The following MRC1 variants were observed in gnomAD, a reference collection of about 807,000 sequenced individuals.
MRC1 encodes the protein mannose receptor C-type 1.
A neutral mutation model predicts 102.9 loss-of-function variants in MRC1; 62 were observed. The observed-to-expected ratio is 0.60, with a 90% confidence interval of 0.49 to 0.74. MRC1 has a LOEUF of 0.74. Among genes scored for constraint, MRC1 ranks in the 30% least tolerant of loss-of-function variants. The pLI is 0.00. For missense variants in MRC1, 1,237 were observed against 862.8 expected, an observed-to-expected ratio of 1.43 and a Z score of -5.43; for synonymous variants, 457 against 298.4, an observed-to-expected ratio of 1.53 and a Z score of -5.48.
chr10:17,882,995 TGTGGTTGTA>T (rs1833540280), intron 21 of MRC1, among the ~76,000 whole-genome samples: 1 of 152,198 alleles, frequency 6.6e-6, no homozygotes, highest in Admixed American at 6.5e-5. Context: ...GAATTCTTAT[TGTGGTTGTA>T]GGCAGAAAAA....
chr10:17,841,787 C>T (rs1239542010), intron 5 of MRC1, among the ~76,000 whole-genome samples: 3 of 144,202 alleles, frequency 2.1e-5, no homozygotes, highest in African/African-American at 5.2e-5. Context: ...TGATTAGTGA[C>T]GTCTGCCGTG....
At position 17,835,156 on chromosome 10, in the gene MRC1, A is replaced by G. The variant is rs1004986542; in HGVS notation, c.802+1317A>G. ...CATTCTCACCCTCACATCTTTTCCC[A>G]TGTCATTTCTTTTGCCTGGAATTCT... On this transcript the variant is annotated intron_variant, in intron 4 of 29. Coordinates refer to ENST00000569591, the MANE Select transcript of MRC1 (RefSeq NM_002438.4). 4.6e-5 allele frequency among the ~76,000 whole-genome samples: 7 copies of G among 152,236 alleles called. No homozygotes were observed. In the South Asian group the frequency reaches 1.0e-3, roughly 23 times the overall value.
chr10:17,909,658 A>AT (rs563990971), intron 29 of MRC1, among the ~76,000 whole-genome samples: 9,143 of 147,018 alleles, frequency 0.062, 669 homozygotes, highest in East Asian at 0.21. Context: ...TTTTCTTAGA[A>AT]TTTTTTTTTT....
At position 17,863,685 on chromosome 10, in the gene MRC1, AC is replaced by A. The variant is rs1833219031; in HGVS notation, c.1783+4del. ...CCACTGGAATTCAGATATGCCAGGTACGGGCAGCGCTTAGGTTGAGGGTTGC... is the reference window on the plus strand; with the variant it reads ...CCACTGGAATTCAGATATGCCAGGTAGGGCAGCGCTTAGGTTGAGGGTTGC... On this transcript the variant is annotated splice_donor_region_variant and intron_variant, in intron 11 of 29. Transcript: ENST00000569591. The A allele has an allele frequency of 1.3e-6, 1 of 780,678 alleles. No individual in the cohort carries two copies. The highest frequency in any genetic ancestry group is 1.7e-5 in the African/African-American group (1 of 59,136). 48.4% of individuals were successfully genotyped at this position (780,678 alleles called of 1,614,324 possible). A position where few individuals can be genotyped will look rare whatever the true frequency, so the allele number is the denominator to read the frequency against.
chr10:17,814,554 C>G (rs1838276264), intron 1 of MRC1, among the ~76,000 whole-genome samples: 2 of 151,956 alleles, frequency 1.3e-5, no homozygotes, highest in East Asian at 1.9e-4. Flanking sequence ...GGCATCACAG[C>G]TAAAAAATGG....
chr10:17,831,711 AT>A (rs1295709912), intron 3 of MRC1, among the ~76,000 whole-genome samples: 2,127 of 151,760 alleles, frequency 0.014, 126 homozygotes, highest in African/African-American at 0.049. Flanking sequence ...TGAAAAGATC[AT>A]TACTTCACAT....
intron 22 of MRC1, among the ~76,000 whole-genome samples, chr10:17,886,321 T>TTCCC (rs1833593640): frequency 3.5e-5 from 5 of 141,038 alleles, no homozygotes; most frequent in Middle Eastern, 3.5e-3. Flanking sequence ...CCTTCCCTCC[T>TTCCC]TCCTTCCTTC....
intron 2 of MRC1, among the ~76,000 whole-genome samples, chr10:17,827,326 G>A (rs1838491442): frequency 8.0e-6 from 1 of 124,578 alleles, no homozygotes; most frequent in East Asian, 2.6e-4. Context: ...ACAGCTCTAT[G>A]TACCCAGCAA....
At chr10:17,837,288 C>G (rs1025982381) in intron 4 of MRC1, among the ~76,000 whole-genome samples, 2 of 152,152 alleles carry the variant, frequency 1.3e-5, no homozygotes, top group Non-Finnish European at 2.9e-5. Context: ...GCATCTCTAA[C>G]GAGATTTGTA....
intron 11 of MRC1, among the ~76,000 whole-genome samples, chr10:17,866,132 T>G (rs1014040964): frequency 5.9e-4 from 90 of 152,286 alleles, no homozygotes; most frequent in African/African-American, 2.1e-3. Flanking sequence ...GTAACTTACC[T>G]AAAATCTCTA....
chr10:17,907,391 T>C, intron 27 of MRC1, 143 bp from the exon 28 acceptor site: 1 of 686,216 alleles, frequency 1.5e-6, no homozygotes, highest in South Asian at 1.7e-5. Flanking sequence ...GTCATTATAG[T>C]CTTGCCTGTT....
At chr10:17,867,385 T>TTCTC (rs1833290867) in intron 12 of MRC1, among the ~76,000 whole-genome samples, 2 of 131,086 alleles carry the variant, frequency 1.5e-5, no homozygotes, top group Non-Finnish European at 3.2e-5. Flanking sequence ...TTCTTCTTCT[T>TTCTC]CTCCTTCTTC....
rs35422170 is a variant in MRC1, at chr10:17,841,740, A to ATTTT, written c.916+949_916+952dup. ...CACCCCTCAATCCCACCCCAGTGCC[A>ATTTT]TTTTTTTTTTTTTTTTTTAGGAAAG... On this transcript the variant is annotated intron_variant, in intron 5 of 29. Coordinates refer to ENST00000569591, the MANE Select transcript of MRC1 (RefSeq NM_002438.4). 7.2e-3 allele frequency among the ~76,000 whole-genome samples: 914 copies of ATTTT among 126,712 alleles called. 15 individuals carry two copies. Among genetic ancestry groups the ATTTT allele is most frequent in the African/African-American group, 0.023 (812 of 34,630 alleles). The allele number at this position is 126,712 out of a possible 152,430, so 83.1% of individuals were successfully genotyped here.
intron 28 of MRC1, 83 bp downstream of exon 28, chr10:17,907,781 T>C (rs1833915587): frequency 1.3e-6 from 1 of 759,640 alleles, no homozygotes; most frequent in Non-Finnish European, 2.4e-6. Flanking sequence ...GGAATCATAA[T>C]GTGATTACGA....
At chr10:17,826,618 A>G (rs1554838669) in intron 2 of MRC1, among the ~76,000 whole-genome samples, 1 of 152,250 alleles carries the variant, frequency 6.6e-6, no homozygotes, top group Non-Finnish European at 1.5e-5. Flanking sequence ...CTCTACAAAG[A>G]TGGAGACTTT....
At chr10:17,864,361 G>T (rs1833230235) in intron 11 of MRC1, among the ~76,000 whole-genome samples, 1 of 152,154 alleles carries the variant, frequency 6.6e-6, no homozygotes, top group African/African-American at 2.4e-5. Flanking sequence ...GCTTTTCAGT[G>T]CAATTAGGAG....
chr10:17,870,427 A>C (rs1053192280), intron 13 of MRC1, 54 bp downstream of exon 13: 1 of 779,422 alleles, frequency 1.3e-6, no homozygotes, highest in African/African-American at 1.7e-5. Context: ...GGTGCTTATG[A>C]AGTTGAGAAA....
chr10:17,886,750 C>T (rs1429678327), intron 22 of MRC1, among the ~76,000 whole-genome samples: 2 of 152,088 alleles, frequency 1.3e-5, no homozygotes, highest in East Asian at 3.9e-4. Flanking sequence ...GGGAACTTAG[C>T]AAAAGGTTGA....
intron 23 of MRC1, among the ~76,000 whole-genome samples, chr10:17,897,542 T>C (rs1287792115): frequency 6.6e-6 from 1 of 152,178 alleles, no homozygotes; most frequent in Non-Finnish European, 1.5e-5. Context: ...CTACACCCGT[T>C]ACCTGAATGT....
Sources: gnomAD v4.1 joint callset for allele counts (sites outside exome capture counted in the v4.1 genomes callset) on GRCh38, gnomAD v4.1.1 for gene constraint, MANE v1.5 for transcripts, NCBI Gene and HGNC (gene_info 2026-07-23, HGNC 2026-07-21) for gene names.